PTPRE: variants seen among roughly 807,000 people sequenced by gnomAD.
PTPRE encodes the protein receptor-type tyrosine-protein phosphatase epsilon.
A neutral mutation model predicts 102.0 loss-of-function variants in PTPRE; 51 were observed. The observed-to-expected ratio is 0.50, with a 90% CI of 0.40 to 0.63. The LOEUF (loss-of-function observed/expected upper bound fraction) is 0.63. Ranked by LOEUF, PTPRE falls within the 30% of genes least tolerant of loss-of-function variation. PTPRE has a pLI of 0.00. For synonymous variants in PTPRE, 345 were observed against 348.2 expected (o/e 0.99, Z 0.10); for missense variants, 752 against 915.1 (o/e 0.82, Z 2.30).
chr10:128,000,969 G>T (rs1320011615), intron 2 of PTPRE, among the ~76,000 whole-genome samples: 2 of 152,208 alleles, frequency 1.3e-5, no homozygotes, highest in Admixed American at 6.5e-5. Context: ...TGGATAGTAG[G>T]AGAGTCTTTA....
At chr10:127,999,496 C>T (rs1705700849) in intron 2 of PTPRE, 3 of 981,260 alleles carry the variant, frequency 3.1e-6, no homozygotes, top group Non-Finnish European at 3.6e-6. Context: ...AGGGCGCTCT[C>T]GCCTTCTGTT....
At chr10:127,959,229 C>T (rs113540359) in intron 1 of PTPRE, among the ~76,000 whole-genome samples, 1 of 152,160 alleles carries the variant, frequency 6.6e-6, no homozygotes, top group Non-Finnish European at 1.5e-5. Context: ...AAACAGAAAT[C>T]CAGGTTAACA....
At chr10:128,054,174 A>G (rs1204336957) in intron 6 of PTPRE, among the ~76,000 whole-genome samples, 1 of 152,134 alleles carries the variant, frequency 6.6e-6, no homozygotes, top group African/African-American at 2.4e-5. Flanking sequence ...AGTTTCTCCT[A>G]TTATTAACTT....
At chr10:128,039,635 C>T (rs1170370295) in intron 2 of PTPRE, among the ~76,000 whole-genome samples, 1 of 152,158 alleles carries the variant, frequency 6.6e-6, no homozygotes, top group Non-Finnish European at 1.5e-5. Flanking sequence ...TCTCTAATTA[C>T]AAGCATTAGT....
intron 2 of PTPRE, among the ~76,000 whole-genome samples, chr10:127,993,938 G>A (rs908139331): frequency 6.6e-6 from 1 of 152,148 alleles, no homozygotes; most frequent in Non-Finnish European, 1.5e-5. Context: ...GGTCGGGGCA[G>A]GAAGTGGACA....
intron 20 of PTPRE, among the ~76,000 whole-genome samples, chr10:128,082,195 C>CTCTCTCTTTTTTT (rs1554951767): frequency 1.1e-5 from 1 of 89,036 alleles, no homozygotes; most frequent in Non-Finnish European, 2.2e-5. Flanking sequence ...TTTTCTCTTT[C>CTCTCTCTTTTTTT]TTTTTTTTTT....
rs987442026 is a variant in PTPRE at position 127,968,973 on chromosome 10, C to T, written c.-30-13301C>T. 7.2e-5 allele frequency among the ~76,000 whole-genome samples: 11 copies of T among 152,224 alleles called. 1 individual carries two copies. The highest frequency in any genetic ancestry group is 1.4e-4 in the African/African-American group (6 of 41,456). On this transcript the variant is annotated intron_variant, in intron 1 of 20. Coordinates refer to ENST00000254667, the MANE Select transcript of PTPRE (RefSeq NM_006504.6). ...CCTAGTTTTTCAGGAAATATAAACA[C>T]TTTCCTGGTGTTACATTCTAAGACA...
At chr10:128,046,948 G>A (rs56026149) in intron 3 of PTPRE, among the ~76,000 whole-genome samples, 2,290 of 152,338 alleles carry the variant, frequency 0.015, 45 homozygotes, top group African/African-American at 0.049. Flanking sequence ...CCCAGCCCCA[G>A]GGCCAGGCCG....
intron 10 of PTPRE, 55 bp downstream of exon 10, chr10:128,063,235 G>A: frequency 2.5e-6 from 4 of 1,600,424 alleles, no homozygotes; most frequent in Admixed American, 3.4e-5. Context: ...CTGCTGCCGG[G>A]CTGGGGATGT....
intron 2 of PTPRE, among the ~76,000 whole-genome samples, chr10:127,982,961 G>A (rs1476493692): frequency 1.3e-5 from 2 of 152,226 alleles, no homozygotes; most frequent in Admixed American, 1.3e-4. Flanking sequence ...AGCTTTCGCA[G>A]TGTCTGCAGC....
intron 15 of PTPRE, 187 bp from the exon 16 acceptor site, chr10:128,071,951 C>T: frequency 1.8e-6 from 1 of 540,604 alleles, no homozygotes; most frequent in Non-Finnish European, 3.3e-6. Context: ...CAGAGTTTTC[C>T]TTCAAAAAGA....
In PTPRE at chr10:128,080,747, T is replaced by A. The variant is rs987793605; in HGVS notation, c.2028+1052T>A. Among the ~76,000 whole-genome samples, 15 of 152,328 alleles carry A rather than the reference T, an allele frequency of 9.8e-5. 1 individual carries two copies. Among genetic ancestry groups the A allele is most frequent in the African/African-American group, 3.6e-4 (15 of 41,594 alleles). ...TGTGTGGCTGTCATCTGTGCTCTCT[T>A]GCCTGGTAACAGCTTGACAGAGCAC... On this transcript the variant is annotated intron_variant, in intron 20 of 20. Transcript: ENST00000254667.
intron 20 of PTPRE, among the ~76,000 whole-genome samples, chr10:128,082,322 C>T (rs1851799831): frequency 6.7e-6 from 1 of 149,380 alleles, no homozygotes; most frequent in Non-Finnish European, 1.5e-5. Flanking sequence ...AGGAATCCTC[C>T]TGTCTCCGCT....
chr10:127,956,653 T>C (rs1223865327), intron 1 of PTPRE, among the ~76,000 whole-genome samples: 1 of 152,250 alleles, frequency 6.6e-6, no homozygotes, highest in Non-Finnish European at 1.5e-5. Flanking sequence ...CACTAAACTA[T>C]CTTCCAAAGC....
chr10:127,965,870 G>A (rs1203957385), intron 1 of PTPRE, among the ~76,000 whole-genome samples: 1 of 152,214 alleles, frequency 6.6e-6, no homozygotes, highest in East Asian at 1.9e-4. Context: ...CCACAACCCT[G>A]GACACCTGGA....
chr10:127,998,154 C>CT (rs1184818065), intron 2 of PTPRE: 1 of 152,254 alleles, frequency 6.6e-6, no homozygotes, highest in Non-Finnish European at 1.5e-5. Flanking sequence ...GTCAGTAGCG[C>CT]TGGCTGTCTG....
At chr10:127,967,045 C>T (rs1589854638) in intron 1 of PTPRE, among the ~76,000 whole-genome samples, 1 of 152,318 alleles carries the variant, frequency 6.6e-6, no homozygotes, top group African/African-American at 2.4e-5. Context: ...AGGGCAAAGT[C>T]AGGCCAACCG....
intron 1 of PTPRE, among the ~76,000 whole-genome samples, chr10:127,971,930 C>T (rs901515989): frequency 1.3e-5 from 2 of 152,216 alleles, no homozygotes; most frequent in Non-Finnish European, 2.9e-5. Context: ...CTAAATTCAA[C>T]TTCCGGAGCT....
chr10:128,002,145 C>A (rs1821200476), intron 2 of PTPRE, among the ~76,000 whole-genome samples: 1 of 152,160 alleles, frequency 6.6e-6, no homozygotes, highest in Non-Finnish European at 1.5e-5. Context: ...TCAGCCGTCG[C>A]CCCCGCTGAC....
Sources: allele counts gnomAD v4.1 joint callset (sites outside exome capture counted in the v4.1 genomes callset), GRCh38; gene constraint gnomAD v4.1.1; transcripts MANE v1.5; gene names NCBI Gene and HGNC (gene_info 2026-07-23, HGNC 2026-07-21).